Variants in DUSP16 observed in about 807,000 individuals in gnomAD.
The protein encoded by DUSP16 is dual specificity phosphatase 16.
DUSP16 carries 21 observed loss-of-function variants against 58.3 expected under a neutral mutation model. The observed-to-expected ratio is 0.36, with a 90% CI of 0.26 to 0.52. DUSP16 has a LOEUF of 0.52. Among genes scored for constraint, DUSP16 ranks in the 20% least tolerant of loss-of-function variants. The probability of loss-of-function intolerance (pLI) is 0.94; values close to 1 mark genes in which losing one functional copy is unlikely to be tolerated. For synonymous variants in DUSP16, 320 were observed against 323.8 expected, an observed-to-expected ratio of 0.99 and a Z score of 0.12; for missense variants, 726 against 819.0, an observed-to-expected ratio of 0.89 and a Z score of 1.39.
At position 12,480,329 on chromosome 12, in the gene DUSP16, T is replaced by G. The variant is rs769435110; in HGVS notation, c.709A>C (p.Asn237His). 3.7e-6 allele frequency: 6 copies of G among 1,613,830 alleles called. No homozygotes were observed. In the South Asian group the frequency reaches 4.4e-5, roughly 12 times the overall value. The change falls in exon 6 of 7, where the codon AAT (asparagine) becomes CAT (histidine). Residue 237 changes from asparagine (N) to histidine (H), a missense_variant. By Grantham distance (68) the Asn-to-His change is moderately conservative. Transcript: ENST00000298573. ...AAACAGTGCACTAGAACACATCCAT[T>G]GGAGGCTTTTGCTTTCTCTGTATAA... ...VDFIEKAKAS[N>H]GCVLVHCLAG...
intron 1 of DUSP16, among the ~76,000 whole-genome samples, chr12:12,542,861 G>A (rs1944585874): frequency 1.3e-5 from 2 of 152,076 alleles, no homozygotes; most frequent in Admixed American, 1.3e-4. Flanking sequence ...GATAGTATCT[G>A]AAACTGGGGC....
chr12:12,511,817 T>C (rs1040034716), intron 3 of DUSP16, among the ~76,000 whole-genome samples: 1 of 151,326 alleles, frequency 6.6e-6, no homozygotes, highest in African/African-American at 2.4e-5. Flanking sequence ...CCATCAAATA[T>C]TGAGAGGCTG....
In DUSP16 at chr12:12,476,638, A is replaced by C. The variant is rs1191512780; in HGVS notation, c.*195T>G. The C allele has an allele frequency of 1.8e-5, 9 of 501,192 alleles. No individual in the cohort carries two copies. The highest frequency in any genetic ancestry group is 9.9e-4 in the Middle Eastern group (2 of 2,024). The allele number at this position is 501,192 out of a possible 1,614,324, so 31.0% of individuals were successfully genotyped here. A position where few individuals can be genotyped will look rare whatever the true frequency, so the allele number is the denominator to read the frequency against. ...CATCTGCCCTTCCATTTTTGTTGAG[A>C]GAAGTATTAGCTGATCTCTCAAATG... On this transcript the variant is annotated 3_prime_UTR_variant, in exon 7 of 7. Coordinates refer to ENST00000298573, the MANE Select transcript of DUSP16 (RefSeq NM_030640.3).
intron 1 of DUSP16, among the ~76,000 whole-genome samples, chr12:12,522,338 CAT>C (rs1249065116): frequency 2.6e-5 from 4 of 152,216 alleles, no homozygotes; most frequent in Admixed American, 2.6e-4. Context: ...GCAACCCAGA[CAT>C]AGAGAGCCCT....
chr12:12,552,812 G>A lies in DUSP16; in HGVS notation c.-366+9305C>T, dbSNP rs531939260. 1.4e-4 allele frequency among the ~76,000 whole-genome samples: 21 copies of A among 151,732 alleles called. No individual in the cohort carries two copies. The South Asian group carries it at 2.9e-3, about 21-fold the overall frequency. ...CTTCTTTTTTTTGAGACACAGTCTC[G>A]CTCTGTCGCCCAGGCTGGAGTGCAA... On this transcript the variant is annotated intron_variant, in intron 1 of 6. Transcript: ENST00000298573.
At chr12:12,490,620 GCTT>G (rs1388328486) in intron 4 of DUSP16, among the ~76,000 whole-genome samples, 1 of 152,120 alleles carries the variant, frequency 6.6e-6, no homozygotes, top group African/African-American at 2.4e-5. Flanking sequence ...CAGGACCACA[GCTT>G]CTTGTTTTCT....
In DUSP16 at chr12:12,475,772, ATAT is replaced by A. The variant is rs1293147198; in HGVS notation, c.*1058_*1060del. On this transcript the variant is annotated 3_prime_UTR_variant, in exon 7 of 7. Coordinates refer to ENST00000298573, the MANE Select transcript of DUSP16 (RefSeq NM_030640.3). ...AGGAAGTTTCCTATAAAATTCTGCC[ATAT>A]TATTACATTTTACCAACTGTATCCA... The A allele has an allele frequency of 3.3e-5, 5 of 152,340 alleles. No homozygotes were observed. The highest frequency in any genetic ancestry group is 1.9e-4 in the East Asian group (1 of 5,186). 9.4% of individuals were successfully genotyped at this position (152,340 alleles called of 1,614,324 possible).
At chr12:12,484,952 A>C (rs1943652107) in intron 5 of DUSP16, among the ~76,000 whole-genome samples, 1 of 150,994 alleles carries the variant, frequency 6.6e-6, no homozygotes, top group Non-Finnish European at 1.5e-5. Context: ...TGATTTGCTG[A>C]ATGTTTTTTA....
rs1484720403 is a variant in DUSP16, at chr12:12,562,182, G to C, written c.-431C>G. 3 of 151,912 alleles carry C rather than the reference G, an allele frequency of 2.0e-5. No homozygotes were observed. The highest frequency in any genetic ancestry group is 3.9e-4 in the East Asian group (2 of 5,142). 9.4% of individuals were successfully genotyped at this position (151,912 alleles called of 1,614,324 possible). On this transcript the variant is annotated 5_prime_UTR_variant, in exon 1 of 7. Coordinates refer to ENST00000298573, the MANE Select transcript of DUSP16 (RefSeq NM_030640.3). ...GAAAGTTGTCACGGCGTCTCCCCTC[G>C]GGCCCCCCTCGCCTCCCGGACTTGC... is the stretch of plus-strand genomic sequence containing the variant.
At chr12:12,544,987 T>G (rs1944620705) in intron 1 of DUSP16, among the ~76,000 whole-genome samples, 1 of 152,208 alleles carries the variant, frequency 6.6e-6, no homozygotes, top group South Asian at 2.1e-4. Context: ...ATCCATTCAT[T>G]TATTCCACAC....
intron 1 of DUSP16, among the ~76,000 whole-genome samples, chr12:12,536,602 G>A (rs1944466670): frequency 1.3e-5 from 2 of 151,828 alleles, no homozygotes; most frequent in Non-Finnish European, 2.9e-5. Flanking sequence ...AAAATTAGCC[G>A]GACATGGTGG....
intron 4 of DUSP16, among the ~76,000 whole-genome samples, chr12:12,496,493 G>C (rs1943829267): frequency 6.6e-6 from 1 of 152,212 alleles, no homozygotes; most frequent in Non-Finnish European, 1.5e-5. Context: ...AATGTTGACA[G>C]CAGATTATTT....
chr12:12,554,196 C>CAAAAAAAAAAAAAAAAAAAAAAAAA (rs59499569), intron 1 of DUSP16, among the ~76,000 whole-genome samples: 1 of 66,160 alleles, frequency 1.5e-5, no homozygotes, highest in Non-Finnish European at 3.0e-5. Flanking sequence ...AACTGGGTCT[C>CAAAAAAAAAAAAAAAAAAAAAAAAA]AAAAAAAAAA....
intron 1 of DUSP16, among the ~76,000 whole-genome samples, chr12:12,540,145 C>A (rs1420182820): frequency 2.8e-5 from 4 of 144,310 alleles, no homozygotes; most frequent in African/African-American, 9.9e-5. Flanking sequence ...AAAAAAAAAA[C>A]TAAAAAAAAA....
rs539806664 is a variant in DUSP16, at chr12:12,534,941, T to A, written c.-365-13478A>T. ...TTTATATTAGCCCTTAAATACCTCA[T>A]GTTCCAGATACTAAGTCAGACTTCC... On this transcript the variant is annotated intron_variant, in intron 1 of 6. Coordinates refer to ENST00000298573, the MANE Select transcript of DUSP16 (RefSeq NM_030640.3). Among the ~76,000 whole-genome samples, 5 of 152,232 alleles carry A rather than the reference T, an allele frequency of 3.3e-5. No homozygotes were observed. In the South Asian group the frequency reaches 1.0e-3, roughly 32 times the overall value.
rs548293909 is a variant in DUSP16, at chr12:12,519,856, C to G, written c.367+6G>C. The G allele has an allele frequency of 4.3e-6, 7 of 1,613,898 alleles. No individual in the cohort carries two copies. In the East Asian group the frequency reaches 8.9e-5, roughly 21 times the overall value. On this transcript the variant is annotated splice_donor_region_variant and intron_variant, in intron 3 of 6. Coordinates refer to ENST00000298573, the MANE Select transcript of DUSP16 (RefSeq NM_030640.3). ...TGAGTCCTTTTAATTCCATCACGAGCCTTACCTGCAAGCAGGTGAACAGAG... is the reference window on the plus strand; with the variant it reads ...TGAGTCCTTTTAATTCCATCACGAGGCTTACCTGCAAGCAGGTGAACAGAG...
chr12:12,477,385 C>T lies in DUSP16; in HGVS notation c.1446G>A (p.Lys482=), dbSNP rs147510792. The change falls in exon 7 of 7, where the codon AAG becomes AAA. Residue 482 remains lysine, a synonymous_variant. Transcript: ENST00000298573. This position sits in a 1 kb window ranked among gnomAD's most constrained non-coding sequence, Gnocchi z 4.1. ...TGCTGGTTCTGACCGAATGCAATCG[C>T]TTGCTCTGGCTGTCTGAAGGCCTGG... is the stretch of plus-strand genomic sequence containing the variant. ...QTARPSDSQS[K]RLHSVRTSSS... The T allele has an allele frequency of 3.0e-5, 48 of 1,613,310 alleles. No individual in the cohort carries two copies. The African/African-American group carries it at 5.5e-4, about 18-fold the overall frequency.
Position 12,475,855 on chromosome 12 carries a change from C to T in DUSP16, c.*978G>A, listed in dbSNP as rs1943421548. The T allele has an allele frequency of 6.6e-6, 1 of 152,206 alleles. No homozygotes were observed. Among genetic ancestry groups the T allele is most frequent in the African/African-American group, 2.4e-5 (1 of 41,436 alleles). 9.4% of individuals were successfully genotyped at this position (152,206 alleles called of 1,614,324 possible). On this transcript the variant is annotated 3_prime_UTR_variant, in exon 7 of 7. Coordinates refer to ENST00000298573, the MANE Select transcript of DUSP16 (RefSeq NM_030640.3). ...TGCTTTGGCTGAGAATTTGAAGGTGCTGCTGCTCTGCTACCAACCCAAATA... is the reference window on the plus strand; with the variant it reads ...TGCTTTGGCTGAGAATTTGAAGGTGTTGCTGCTCTGCTACCAACCCAAATA...
chr12:12,534,741 T>C (rs1944440914), intron 1 of DUSP16, among the ~76,000 whole-genome samples: 1 of 152,200 alleles, frequency 6.6e-6, no homozygotes, highest in African/African-American at 2.4e-5. Flanking sequence ...CCAGACTGGT[T>C]TGAGACAGTC....
Sources: gnomAD v4.1 joint callset for allele counts (sites outside exome capture counted in the v4.1 genomes callset) on GRCh38, gnomAD v4.1.1 for gene constraint, Gnocchi (gnomAD v3.1) non-coding constraint, MANE v1.5 for transcripts, NCBI Gene and HGNC (gene_info 2026-07-23, HGNC 2026-07-21) for gene names.